GPC6: variants seen among roughly 807,000 people sequenced by gnomAD.
The protein encoded by GPC6 is glypican-6.
GPC6 carries 14 observed loss-of-function variants against 55.2 expected under a neutral mutation model. The ratio of observed to expected loss-of-function variants is 0.25; its 90% CI spans 0.17 to 0.40. The LOEUF (loss-of-function observed/expected upper bound fraction) is 0.40, where lower values mean the gene tolerates loss of function less well. Among genes scored for constraint, GPC6 ranks in the 10% least tolerant of loss-of-function variants. The pLI is 1.00. For missense variants in GPC6, 641 were observed against 708.5 expected (o/e 0.90, Z 1.08); for synonymous variants, 278 against 259.6 (o/e 1.07, Z -0.68).
chr13:93,811,024 A>G (rs76588166), intron 2 of GPC6, among the ~76,000 whole-genome samples: 5,944 of 152,228 alleles, frequency 0.039, 373 homozygotes, highest in African/African-American at 0.13. Flanking sequence ...GAAGTCAACA[A>G]TTGTGTAGCA....
At chr13:94,076,516 T>G (rs1884920204) in intron 4 of GPC6, among the ~76,000 whole-genome samples, 1 of 151,994 alleles carries the variant, frequency 6.6e-6, no homozygotes, top group South Asian at 2.1e-4. Context: ...TGCTCTTGTT[T>G]CATGTGCTTT....
intron 7 of GPC6, among the ~76,000 whole-genome samples, chr13:94,390,677 G>A (rs1413702667): frequency 6.6e-6 from 1 of 152,060 alleles, no homozygotes; most frequent in East Asian, 1.9e-4. Flanking sequence ...CTCCAACATT[G>A]GAGATTAAAA....
intron 1 of GPC6, among the ~76,000 whole-genome samples, chr13:93,387,534 C>T (rs1474649347): frequency 1.3e-5 from 2 of 152,188 alleles, no homozygotes; most frequent in Non-Finnish European, 2.9e-5. Flanking sequence ...CAGCCTAATT[C>T]CAGTTTTATC....
chr13:93,993,322 T>C (rs1410195125), intron 3 of GPC6, among the ~76,000 whole-genome samples: 1 of 151,210 alleles, frequency 6.6e-6, no homozygotes, highest in East Asian at 1.9e-4. Flanking sequence ...AAATGGAGTC[T>C]TGCTCTGTCG....
At chr13:94,157,316 A>G (rs549996597) in intron 4 of GPC6, among the ~76,000 whole-genome samples, 1 of 152,178 alleles carries the variant, frequency 6.6e-6, no homozygotes, top group Non-Finnish European at 1.5e-5. Flanking sequence ...AGAGAGAGAA[A>G]AGCTCAAAGG....
At chr13:93,302,375 C>A (rs141542428) in intron 1 of GPC6, among the ~76,000 whole-genome samples, 1 of 152,196 alleles carries the variant, frequency 6.6e-6, no homozygotes, top group African/African-American at 2.4e-5. Flanking sequence ...CTAGTCCTAA[C>A]ATCCTTCTCC....
chr13:94,047,910 C>T (rs76841241), intron 4 of GPC6, among the ~76,000 whole-genome samples: 2,031 of 152,114 alleles, frequency 0.013, 35 homozygotes, highest in East Asian at 0.084. Flanking sequence ...ATAGATAATC[C>T]TCAAATCTAG....
At chr13:93,922,190 G>C (rs1877611645) in intron 3 of GPC6, among the ~76,000 whole-genome samples, 1 of 152,126 alleles carries the variant, frequency 6.6e-6, no homozygotes, top group Non-Finnish European at 1.5e-5. Flanking sequence ...TTCATCCTTA[G>C]CATCTTGGCC....
intron 2 of GPC6, among the ~76,000 whole-genome samples, chr13:93,693,489 G>GTGTGTGTGTGTGTC (rs1882336845): frequency 6.6e-6 from 1 of 151,320 alleles, no homozygotes. Context: ...GTGTGTGTGT[G>GTGTGTGTGTGTGTC]TGTGTGTGTG....
intron 3 of GPC6, among the ~76,000 whole-genome samples, chr13:93,864,036 G>C (rs985139900): frequency 2.0e-5 from 3 of 151,608 alleles, no homozygotes; most frequent in African/African-American, 7.3e-5. Context: ...GCATTGCTCT[G>C]TGATAATGGG....
intron 2 of GPC6, among the ~76,000 whole-genome samples, chr13:93,603,717 T>C: frequency 6.6e-6 from 1 of 152,210 alleles, no homozygotes. Flanking sequence ...CATGCATACA[T>C]GCATACAGGC....
chr13:94,398,365 GCTGA>G (rs1177571225), intron 7 of GPC6, 97 bp from the exon 8 acceptor site: 7 of 898,588 alleles, frequency 7.8e-6, no homozygotes, highest in South Asian at 2.7e-5. Context: ...AGGTGTCTTG[GCTGA>G]CTGTCAGAGA....
chr13:94,136,081 C>G (rs531364322), intron 4 of GPC6, among the ~76,000 whole-genome samples: 11 of 151,950 alleles, frequency 7.2e-5, no homozygotes, highest in African/African-American at 2.4e-4. Context: ...TCCAAATAAG[C>G]AATTAGTTTC....
intron 1 of GPC6, among the ~76,000 whole-genome samples, chr13:93,397,260 T>C (rs1875893043): frequency 6.6e-6 from 1 of 152,196 alleles, no homozygotes; most frequent in South Asian, 2.1e-4. Flanking sequence ...TCATTTTCCA[T>C]TTCCATCAGC....
chr13:93,865,599 C>T (rs1329199596), intron 3 of GPC6, among the ~76,000 whole-genome samples: 1 of 151,658 alleles, frequency 6.6e-6, no homozygotes, highest in African/African-American at 2.4e-5. Context: ...CCTGTGTCAT[C>T]CTTATTATGC....
chr13:93,326,902 T>C (rs1472209618), intron 1 of GPC6, among the ~76,000 whole-genome samples: 1 of 152,192 alleles, frequency 6.6e-6, no homozygotes, highest in Non-Finnish European at 1.5e-5. Context: ...ATGTCATTTG[T>C]GGAATAAATA....
intron 3 of GPC6, among the ~76,000 whole-genome samples, chr13:93,836,646 T>TA (rs1887742537): frequency 6.6e-6 from 1 of 152,228 alleles, no homozygotes; most frequent in Non-Finnish European, 1.5e-5. Flanking sequence ...TTACAACTTT[T>TA]AAATCAGCAT....
rs144548816 is a variant in GPC6 at position 94,004,129 on chromosome 13, G to A, written c.712-23600G>A. ...CATAGAGTAATCTCAGTTTTCCTCA[G>A]CATCATTTTGTTGTTAGATTGAACC... On this transcript the variant is annotated intron_variant, in intron 3 of 8. Transcript: ENST00000377047. Among the ~76,000 whole-genome samples, 433 of 152,110 alleles carry A rather than the reference G, an allele frequency of 2.8e-3. 2 individuals carry two copies. The highest frequency in any genetic ancestry group is 4.5e-3 in the Non-Finnish European group (309 of 67,990).
intron 1 of GPC6, among the ~76,000 whole-genome samples, chr13:93,260,898 C>T (rs556939393): frequency 1.3e-5 from 2 of 152,044 alleles, no homozygotes; most frequent in East Asian, 3.9e-4. Flanking sequence ...TATTTTCTTC[C>T]TTTTTTGGTA....
Sources: allele counts gnomAD v4.1 joint callset (sites outside exome capture counted in the v4.1 genomes callset), GRCh38; gene constraint gnomAD v4.1.1; transcripts MANE v1.5; gene names NCBI Gene and HGNC (gene_info 2026-07-23, HGNC 2026-07-21).